The following CAPZA3 variants were observed in gnomAD, a reference collection of about 807,000 sequenced individuals.
CAPZA3 encodes F-actin-capping protein subunit alpha-3.
A neutral mutation model predicts 23.6 loss-of-function variants in CAPZA3; 22 were observed. The ratio of observed to expected loss-of-function variants is 0.93; its 90% CI spans 0.67 to 1.33. The LOEUF (loss-of-function observed/expected upper bound fraction) is 1.33. CAPZA3 is among the 40% of genes most tolerant of loss of function. The pLI is 0.00. For missense variants in CAPZA3, 357 were observed against 345.9 expected, an observed-to-expected ratio of 1.03 and a Z score of -0.25; for synonymous variants, 142 against 126.5, an observed-to-expected ratio of 1.12 and a Z score of -0.82.
chr12:18,738,471 A>G lies in CAPZA3; in HGVS notation c.203A>G (p.Asn68Ser). The change falls in exon 1 of 1, where the codon AAT becomes AGT. Residue 68 changes from asparagine (N) to serine (S), a missense_variant. Asn to Ser is a conservative substitution (Grantham distance 46). Transcript: ENST00000317658. ...KYSVPLCIDG[N>S]PVLLSHHNVM... is the part of the protein sequence containing the mutation. ...TCTGTACCACTCTGCATCGATGGAAATCCAGTACTCTTGTCTCACCACAAT... is the reference window on the plus strand; with the variant it reads ...TCTGTACCACTCTGCATCGATGGAAGTCCAGTACTCTTGTCTCACCACAAT... The G allele has an allele frequency of 6.2e-7, 1 of 1,614,124 alleles. No individual in the cohort carries two copies. Among genetic ancestry groups the G allele is most frequent in the Non-Finnish European group, 8.5e-7 (1 of 1,180,006 alleles).
Position 18,738,260 on chromosome 12 carries a change from C to A in CAPZA3, c.-9C>A. The A allele has an allele frequency of 6.3e-7, 1 of 1,586,138 alleles. No homozygotes were observed. The highest frequency in any genetic ancestry group is 1.2e-5 in the South Asian group (1 of 86,054). On this transcript the variant is annotated 5_prime_UTR_variant, in exon 1 of 1. Coordinates refer to ENST00000317658, the MANE Select transcript of CAPZA3 (RefSeq NM_033328.3). ...CATTTCAGAAGCTTTGCTTCTGTTG[C>A]AACCAAACATGACACTTAGCGTGCT...
chr12:18,739,159 G>C lies in CAPZA3; in HGVS notation c.891G>C (p.Trp297Cys). 6.2e-7 allele frequency: 1 copy of C among 1,602,452 alleles called. No individual in the cohort carries two copies. The highest frequency in any genetic ancestry group is 8.5e-7 in the Non-Finnish European group (1 of 1,172,114). Residue 297 changes from tryptophan to cysteine, a missense_variant, in exon 1 of 1, where the codon TGG becomes TGC. Coordinates refer to ENST00000317658, the MANE Select transcript of CAPZA3 (RefSeq NM_033328.3). Reference sequence around the variant, plus strand: ...ATTCAAGAAGTGTGTTGTGCAACTGGATAATATAAAGAATTGCTCCTGGTA... The same window carrying C: ...ATTCAAGAAGTGTGTTGTGCAACTGCATAATATAAAGAATTGCTCCTGGTA... The part of the protein sequence containing the change: ...VIYSRSVLCN[W>C]II
chr12:18,739,042 G>A lies in CAPZA3; in HGVS notation c.774G>A (p.Arg258=). The A allele has an allele frequency of 2.5e-6, 4 of 1,611,902 alleles. No homozygotes were observed. In the South Asian group the frequency reaches 4.4e-5, roughly 18 times the overall value. Residue 258 remains arginine (R), a synonymous_variant, in exon 1 of 1, where the codon AGG becomes AGA. Coordinates refer to ENST00000317658, the MANE Select transcript of CAPZA3 (RefSeq NM_033328.3). The part of the protein sequence containing the change: ...SNEALRKILR[R]DLPVTRTLID... ...AAGCCCTGAGAAAAATTCTACGAAG[G>A]GATCTTCCAGTGACCCGCACTCTTA...
rs370457183 is a variant in CAPZA3, at chr12:18,738,826, G to A, written c.558G>A (p.Thr186=). Residue 186 remains threonine (T), a synonymous_variant, in exon 1 of 1, where the codon ACG becomes ACA. Transcript: ENST00000317658. ...TTAACCCATTTCTAACCCAAGTAAC[G>A]GGAAGAATATTTGTGCAAGCTCACT... ...FQVNPFLTQV[T]GRIFVQAHFF... 2.1e-5 allele frequency: 34 copies of A among 1,613,836 alleles called. No homozygotes were observed. The African/African-American group carries it at 3.5e-4, about 16-fold the overall frequency.
At position 18,739,165 on chromosome 12, in the gene CAPZA3, A is replaced by C. The variant is rs1363069603; in HGVS notation, c.897A>C (p.Ile299=). The C allele has an allele frequency of 6.3e-7, 1 of 1,598,942 alleles. No homozygotes were observed. Among genetic ancestry groups the C allele is most frequent in the Non-Finnish European group, 8.5e-7 (1 of 1,169,660 alleles). The change falls in exon 1 of 1, where the codon ATA becomes ATC. Residue 299 remains isoleucine (I), a synonymous_variant. Coordinates refer to ENST00000317658, the MANE Select transcript of CAPZA3 (RefSeq NM_033328.3). ...YSRSVLCNWI[I] ...GAAGTGTGTTGTGCAACTGGATAAT[A>C]TAAAGAATTGCTCCTGGTAACTATC... is the stretch of plus-strand genomic sequence containing the variant.
chr12:18,739,017 A>C lies in CAPZA3; in HGVS notation c.749A>C (p.Glu250Ala), dbSNP rs775037231. Reference sequence around the variant, plus strand: ...GAAGAATTACAGGAGTTATCCAATGAAGCCCTGAGAAAAATTCTACGAAGG... The same window carrying C: ...GAAGAATTACAGGAGTTATCCAATGCAGCCCTGAGAAAAATTCTACGAAGG... Reference protein sequence around the residue: ...VLEELQELSNEALRKILRRDL... With the variant: ...VLEELQELSNAALRKILRRDL... Residue 250 changes from glutamate (E) to alanine (A), a missense_variant, in exon 1 of 1, where the codon GAA becomes GCA. Transcript: ENST00000317658. 6.2e-7 allele frequency: 1 copy of C among 1,612,176 alleles called. No homozygotes were observed. The highest frequency in any genetic ancestry group is 8.5e-7 in the Non-Finnish European group (1 of 1,179,938).
In CAPZA3 at chr12:18,739,034, C is replaced by A; in HGVS notation, c.766C>A (p.Leu256Ile). 6.2e-7 allele frequency: 1 copy of A among 1,611,976 alleles called. No homozygotes were observed. Residue 256 changes from leucine to isoleucine, a missense_variant, in exon 1 of 1, where the codon CTA (leucine) becomes ATA (isoleucine). Transcript: ENST00000317658. ...ATCCAATGAAGCCCTGAGAAAAATT[C>A]TACGAAGGGATCTTCCAGTGACCCG... ...ELSNEALRKI[L>I]RRDLPVTRTL...
rs374397815 is a variant in CAPZA3 at position 18,738,918 on chromosome 12, A to G, written c.650A>G (p.Asn217Ser). 6.2e-6 allele frequency: 10 copies of G among 1,613,902 alleles called. No individual in the cohort carries two copies. The highest frequency in any genetic ancestry group is 7.6e-6 in the Non-Finnish European group (9 of 1,179,980). ...KDLKESLEIV[N>S]QAQLALSFAR... ...CTGAAAGAAAGCTTGGAAATAGTTA[A>G]CCAAGCTCAACTGGCTCTAAGTTTT... is the stretch of plus-strand genomic sequence containing the variant. The change falls in exon 1 of 1, where the codon AAC (asparagine) becomes AGC (serine). Residue 217 changes from asparagine to serine, a missense_variant. Transcript: ENST00000317658.
chr12:18,739,023 T>C lies in CAPZA3; in HGVS notation c.755T>C (p.Leu252Pro), dbSNP rs963233488. ...EELQELSNEA[L>P]RKILRRDLPV... ...TTACAGGAGTTATCCAATGAAGCCCTGAGAAAAATTCTACGAAGGGATCTT... is the reference window on the plus strand; with the variant it reads ...TTACAGGAGTTATCCAATGAAGCCCCGAGAAAAATTCTACGAAGGGATCTT... Residue 252 changes from leucine (L) to proline (P), a missense_variant, in exon 1 of 1, where the codon CTG becomes CCG. Leu to Pro is a moderately conservative substitution (Grantham distance 98). Transcript: ENST00000317658. 1 of 1,611,580 alleles carries C rather than the reference T, an allele frequency of 6.2e-7. No individual in the cohort carries two copies. Among genetic ancestry groups the C allele is most frequent in the African/African-American group, 1.3e-5 (1 of 74,894 alleles).
chr12:18,739,027 A>G lies in CAPZA3; in HGVS notation c.759A>G (p.Arg253=). ...ELQELSNEAL[R]KILRRDLPVT... is the part of the protein sequence containing the mutation. ...AGGAGTTATCCAATGAAGCCCTGAGAAAAATTCTACGAAGGGATCTTCCAG... is the reference window on the plus strand; with the variant it reads ...AGGAGTTATCCAATGAAGCCCTGAGGAAAATTCTACGAAGGGATCTTCCAG... The change falls in exon 1 of 1, where the codon AGA becomes AGG. Residue 253 remains arginine (R), a synonymous_variant. Transcript: ENST00000317658. 6.2e-7 allele frequency: 1 copy of G among 1,612,072 alleles called. No individual in the cohort carries two copies. Among genetic ancestry groups the G allele is most frequent in the Non-Finnish European group, 8.5e-7 (1 of 1,179,926 alleles).
At position 18,738,842 on chromosome 12, in the gene CAPZA3, C is replaced by G. The variant is rs1253747887; in HGVS notation, c.574C>G (p.Gln192Glu). ...LTQVTGRIFV[Q>E]AHFFRCVNLH... ...CCAAGTAACGGGAAGAATATTTGTGCAAGCTCACTTCTTCAGGTGTGTCAA... is the reference window on the plus strand; with the variant it reads ...CCAAGTAACGGGAAGAATATTTGTGGAAGCTCACTTCTTCAGGTGTGTCAA... Residue 192 changes from glutamine to glutamate, a missense_variant, in exon 1 of 1, where the codon CAA becomes GAA. Gln to Glu is a conservative substitution (Grantham distance 29). Transcript: ENST00000317658. The G allele has an allele frequency of 1.2e-6, 2 of 1,613,986 alleles. No individual in the cohort carries two copies. Among genetic ancestry groups the G allele is most frequent in the South Asian group, 2.2e-5 (2 of 91,078 alleles).
At position 18,738,712 on chromosome 12, in the gene CAPZA3, G is replaced by C. The variant is rs377652683; in HGVS notation, c.444G>C (p.Lys148Asn). The change falls in exon 1 of 1, where the codon AAG (lysine) becomes AAC (asparagine). Residue 148 changes from lysine (K) to asparagine (N), a missense_variant. Transcript: ENST00000317658. ...CNMLRKTVKSKEYLIACIEDH... is the reference protein window; with the variant it reads ...CNMLRKTVKSNEYLIACIEDH... ...TGCTGAGAAAAACTGTCAAAAGTAA[G>C]GAGTACTTGATAGCTTGCATTGAAG... 9 of 1,613,920 alleles carry C rather than the reference G, an allele frequency of 5.6e-6. No individual in the cohort carries two copies. In the African/African-American group the frequency reaches 8.0e-5, roughly 14 times the overall value.
chr12:18,738,759 A>G lies in CAPZA3; in HGVS notation c.491A>G (p.Glu164Gly), dbSNP rs773409877. The G allele has an allele frequency of 1.2e-6, 2 of 1,614,104 alleles. No homozygotes were observed. The highest frequency in any genetic ancestry group is 1.3e-5 in the African/African-American group (1 of 75,054). ...CIEDHNYETGECWNGLWKSKW... is the reference protein window; with the variant it reads ...CIEDHNYETGGCWNGLWKSKW... ...GAAGATCACAACTATGAAACAGGAGAGTGCTGGAACGGACTTTGGAAATCT... is the reference window on the plus strand; with the variant it reads ...GAAGATCACAACTATGAAACAGGAGGGTGCTGGAACGGACTTTGGAAATCT... Residue 164 changes from glutamate (E) to glycine (G), a missense_variant, in exon 1 of 1, where the codon GAG becomes GGG. Glu to Gly is a moderately conservative substitution (Grantham distance 98, BLOSUM62 -2). Transcript: ENST00000317658.
rs371829412 is a variant in CAPZA3 at position 18,738,336 on chromosome 12, C to T, written c.68C>T (p.Pro23Leu). The change falls in exon 1 of 1, where the codon CCT becomes CTT. Residue 23 changes from proline (P) to leucine (L), a missense_variant. Physicochemically the swap from Pro to Leu is moderately conservative, Grantham distance 98. Coordinates refer to ENST00000317658, the MANE Select transcript of CAPZA3 (RefSeq NM_033328.3). The part of the protein sequence containing the change: ...RVIRRLLLQA[P>L]PGEFVNAFDD... ...ATTCGCAGACTGTTATTACAGGCCC[C>T]TCCAGGGGAATTTGTAAATGCCTTT... 35 of 1,613,966 alleles carry T rather than the reference C, an allele frequency of 2.2e-5. No homozygotes were observed. The highest frequency in any genetic ancestry group is 2.8e-5 in the Non-Finnish European group (33 of 1,179,962).
chr12:18,738,460 C>T lies in CAPZA3; in HGVS notation c.192C>T (p.Cys64=). 2 of 1,614,128 alleles carry T rather than the reference C, an allele frequency of 1.2e-6. No individual in the cohort carries two copies. Among genetic ancestry groups the T allele is most frequent in the Non-Finnish European group, 1.7e-6 (2 of 1,179,982 alleles). Residue 64 remains cysteine, a synonymous_variant, in exon 1 of 1, where the codon TGC becomes TGT. Coordinates refer to ENST00000317658, the MANE Select transcript of CAPZA3 (RefSeq NM_033328.3). ...GCCAAAAATATTCTGTACCACTCTG[C>T]ATCGATGGAAATCCAGTACTCTTGT... The part of the protein sequence containing the change: ...QHCQKYSVPL[C]IDGNPVLLSH...
Position 18,738,536 on chromosome 12 carries a change from C to T in CAPZA3, c.268C>T (p.Leu90Phe), listed in dbSNP as rs776217578. ...DYRFFDHQSK[L>F]SFKYDLLQNQ... ...CCGATTTTTTGACCATCAAAGCAAA[C>T]TTTCTTTCAAATATGACCTGCTTCA... Residue 90 changes from leucine (L) to phenylalanine (F), a missense_variant, in exon 1 of 1, where the codon CTT becomes TTT. Physicochemically the swap from Leu to Phe is conservative, Grantham distance 22 (BLOSUM62 0). Transcript: ENST00000317658. 9 of 1,613,978 alleles carry T rather than the reference C, an allele frequency of 5.6e-6. No homozygotes were observed. The highest frequency in any genetic ancestry group is 1.3e-5 in the African/African-American group (1 of 74,928).
Position 18,738,860 on chromosome 12 carries a change from T to A in CAPZA3, c.592T>A (p.Cys198Ser), listed in dbSNP as rs746840009. The change falls in exon 1 of 1, where the codon TGT (cysteine) becomes AGT (serine). Residue 198 changes from cysteine (C) to serine (S), a missense_variant. By Grantham distance (112) the Cys-to-Ser change is moderately radical (BLOSUM62 -1). Transcript: ENST00000317658. ...ATTTGTGCAAGCTCACTTCTTCAGG[T>A]GTGTCAACCTTCATATTGAAATATC... ...RIFVQAHFFR[C>S]VNLHIEISKD... 28 of 1,613,928 alleles carry A rather than the reference T, an allele frequency of 1.7e-5. No individual in the cohort carries two copies. Among genetic ancestry groups the A allele is most frequent in the Middle Eastern group, 3.3e-4 (2 of 6,084 alleles).
chr12:18,738,312 T>C lies in CAPZA3; in HGVS notation c.44T>C (p.Ile15Thr), dbSNP rs771419352. The C allele has an allele frequency of 1.2e-6, 2 of 1,613,780 alleles. No homozygotes were observed. The highest frequency in any genetic ancestry group is 1.7e-6 in the Non-Finnish European group (2 of 1,179,828). Residue 15 changes from isoleucine to threonine, a missense_variant, in exon 1 of 1, where the codon ATT (isoleucine) becomes ACT (threonine). Ile to Thr is a moderately conservative substitution (Grantham distance 89, BLOSUM62 -1). Coordinates refer to ENST00000317658, the MANE Select transcript of CAPZA3 (RefSeq NM_033328.3). ...AGCAGGAAGGACAAGGAAAGAGTAA[T>C]TCGCAGACTGTTATTACAGGCCCCT... The part of the protein sequence containing the change: ...VLSRKDKERV[I>T]RRLLLQAPPG...
rs1959669250 is a variant in CAPZA3 at position 18,738,526 on chromosome 12, T to C, written c.258T>C (p.His86=). 6.2e-7 allele frequency: 1 copy of C among 1,614,122 alleles called. No homozygotes were observed. Residue 86 remains histidine, a synonymous_variant, in exon 1 of 1, where the codon CAT becomes CAC. Transcript: ENST00000317658. ...TGGGCGACTACCGATTTTTTGACCA[T>C]CAAAGCAAACTTTCTTTCAAATATG... is the stretch of plus-strand genomic sequence containing the variant. ...NVMGDYRFFD[H]QSKLSFKYDL...
Sources: allele counts gnomAD v4.1 joint callset, GRCh38; gene constraint gnomAD v4.1.1; transcripts MANE v1.5; gene names NCBI Gene and HGNC (gene_info 2026-07-23, HGNC 2026-07-21).